Variants in TOP6BL observed in about 807,000 individuals in gnomAD.
TOP6BL encodes type 2 DNA topoisomerase 6 subunit B-like.
chr11:66,834,647 T>C, the TOP6BL span, among the ~76,000 whole-genome samples: 3 of 152,180 alleles, frequency 2.0e-5, no homozygotes, highest in African/African-American at 4.8e-5. Context: ...GGAAAGGTCA[T>C]GCAGGAATGG....
chr11:66,836,381 TTG>T, the TOP6BL span, among the ~76,000 whole-genome samples: 1 of 151,878 alleles, frequency 6.6e-6, no homozygotes, highest in South Asian at 2.1e-4. Flanking sequence ...GGCTAATTTT[TTG>T]TATTTTTAGT....
the TOP6BL span, among the ~76,000 whole-genome samples, chr11:66,772,262 C>T: frequency 6.6e-6 from 1 of 152,156 alleles, no homozygotes; most frequent in African/African-American, 2.4e-5. Context: ...ATTTTTCAAG[C>T]TTGCTAAACT....
At chr11:66,818,941 A>C in the TOP6BL span, among the ~76,000 whole-genome samples, 5 of 152,206 alleles carry the variant, frequency 3.3e-5, no homozygotes, top group African/African-American at 1.2e-4. Flanking sequence ...TGTTGTACTC[A>C]GTATTGGATT....
At chr11:66,762,795 C>T in the TOP6BL span, among the ~76,000 whole-genome samples, 2 of 152,092 alleles carry the variant, frequency 1.3e-5, no homozygotes, top group Non-Finnish European at 2.9e-5. Context: ...TTGGTCATAT[C>T]AAAGAAAACA....
the TOP6BL span, among the ~76,000 whole-genome samples, chr11:66,799,644 G>T: frequency 1.3e-5 from 2 of 151,740 alleles, no homozygotes; most frequent in African/African-American, 4.8e-5. Flanking sequence ...CCCAGGAGGC[G>T]GAGGTTGCAG....
chr11:66,747,597 G>A, the TOP6BL span, among the ~76,000 whole-genome samples: 1 of 152,034 alleles, frequency 6.6e-6, no homozygotes, highest in Non-Finnish European at 1.5e-5. Context: ...TCTGTGGTTT[G>A]GAGAGATTAA....
chr11:66,769,886 G>A, the TOP6BL span, among the ~76,000 whole-genome samples: 1 of 150,986 alleles, frequency 6.6e-6, no homozygotes, highest in Non-Finnish European at 1.5e-5. Flanking sequence ...GACTACAGGC[G>A]CCCACCACCA....
the TOP6BL span, among the ~76,000 whole-genome samples, chr11:66,773,839 C>T: frequency 8.5e-5 from 13 of 152,114 alleles, no homozygotes; most frequent in African/African-American, 2.4e-4. Flanking sequence ...CAGGTTCAAG[C>T]GATTCTCCTG....
At chr11:66,788,239 A>T in the TOP6BL span, 1 of 1,613,688 alleles carries the variant, frequency 6.2e-7, no homozygotes, top group East Asian at 2.2e-5. Flanking sequence ...AGGATATGAC[A>T]GGGGTAACAC....
At chr11:66,749,491 A>C in the TOP6BL span, among the ~76,000 whole-genome samples, 783 of 152,048 alleles carry the variant, frequency 5.1e-3, 10 homozygotes, top group African/African-American at 0.018. Context: ...AGCCTGATGA[A>C]CTTCTTTAGC....
At chr11:66,841,698 T>C in the TOP6BL span, among the ~76,000 whole-genome samples, 1 of 152,356 alleles carries the variant, frequency 6.6e-6, no homozygotes, top group South Asian at 2.1e-4. Context: ...TGTGTGCCTT[T>C]AGTCCCAGTT....
the TOP6BL span, among the ~76,000 whole-genome samples, chr11:66,793,088 T>G: frequency 6.9e-6 from 1 of 145,058 alleles, no homozygotes; most frequent in Admixed American, 6.9e-5. Flanking sequence ...ATTTTGGTAA[T>G]AATGTTTTTT....
At chr11:66,772,370 C>T in the TOP6BL span, among the ~76,000 whole-genome samples, 3 of 152,332 alleles carry the variant, frequency 2.0e-5, no homozygotes, top group East Asian at 5.8e-4. Flanking sequence ...ACTCAGGAGG[C>T]TGAAGCAGAA....
the TOP6BL span, chr11:66,759,112 A>G: frequency 6.7e-7 from 1 of 1,490,046 alleles, no homozygotes; most frequent in Non-Finnish European, 9.1e-7. Context: ...GAATTACCTA[A>G]CTTCCATGAG....
the TOP6BL span, among the ~76,000 whole-genome samples, chr11:66,788,614 A>T: frequency 6.6e-6 from 1 of 152,232 alleles, no homozygotes; most frequent in Admixed American, 6.5e-5. Flanking sequence ...AGGTGCTGTC[A>T]GGGCTGGCTT....
the TOP6BL span, among the ~76,000 whole-genome samples, chr11:66,798,957 G>A: frequency 0.056 from 8,441 of 150,518 alleles, 326 homozygotes; most frequent in East Asian, 0.12. Flanking sequence ...CTGTAATCCC[G>A]GCACTTTGGG....
the TOP6BL span, among the ~76,000 whole-genome samples, chr11:66,831,328 A>T: frequency 3.7e-4 from 56 of 152,248 alleles, no homozygotes; most frequent in Admixed American, 1.6e-3. Context: ...CACTTTTGTT[A>T]TAGCCCCAAA....
chr11:66,818,533 T>G, the TOP6BL span, among the ~76,000 whole-genome samples: 2 of 152,204 alleles, frequency 1.3e-5, no homozygotes, highest in South Asian at 4.1e-4. Context: ...AGCAGCTGAT[T>G]ATTGTGGAAA....
chr11:66,777,495 C>T, the TOP6BL span, among the ~76,000 whole-genome samples: 2 of 152,146 alleles, frequency 1.3e-5, no homozygotes, highest in Non-Finnish European at 2.9e-5. Flanking sequence ...TATCTTAATG[C>T]ATATAGCTCT....
Sources: allele counts gnomAD v4.1 joint callset (sites outside exome capture counted in the v4.1 genomes callset), GRCh38; gene constraint gnomAD v4.1.1; transcripts MANE v1.5; gene names NCBI Gene and HGNC (gene_info 2026-07-23, HGNC 2026-07-21).